Variants in SLC9C1 observed in about 807,000 individuals in gnomAD.
SLC9C1 encodes solute carrier family 9 member C1.
In SLC9C1, 97 loss-of-function variants were observed where a neutral mutation model predicts 140.9. The ratio of observed to expected loss-of-function variants is 0.69; its 90% CI spans 0.58 to 0.82. The LOEUF is 0.82. Among genes scored for constraint, SLC9C1 ranks in the 40% least tolerant of loss-of-function variants. The pLI is 0.00. For missense variants in SLC9C1, 1,340 were observed against 1,389.3 expected (o/e 0.96, Z 0.56); for synonymous variants, 440 against 442.6 (o/e 0.99, Z 0.07).
At chr3:112,150,841 T>TATA (rs1491261631) in intron 28 of SLC9C1, among the ~76,000 whole-genome samples, 99 of 34,560 alleles carry the variant, frequency 2.9e-3, no homozygotes, top group African/African-American at 0.016. Context: ...TATATATATA[T>TATA]TTTTTTTTTT....
chr3:112,227,453 C>T (rs4507228), intron 13 of SLC9C1, among the ~76,000 whole-genome samples: 114,886 of 152,082 alleles, frequency 0.76, 43,796 homozygotes, highest in East Asian at 0.99. Flanking sequence ...AATCAACACA[C>T]GTAAGACATC....
chr3:112,259,328 A>G (rs1286727124), intron 10 of SLC9C1, among the ~76,000 whole-genome samples: 1 of 151,692 alleles, frequency 6.6e-6, no homozygotes, highest in African/African-American at 2.4e-5. Flanking sequence ...AGAGGATTGG[A>G]AAAAAAATAA....
intron 20 of SLC9C1, among the ~76,000 whole-genome samples, chr3:112,184,340 G>GA (rs1232611605): frequency 3.3e-5 from 3 of 91,010 alleles, no homozygotes; most frequent in African/African-American, 1.3e-4. Flanking sequence ...GGACTATGAT[G>GA]AAAAAACGTT....
intron 20 of SLC9C1, among the ~76,000 whole-genome samples, chr3:112,186,637 A>G (rs1401765567): frequency 1.3e-5 from 2 of 152,222 alleles, no homozygotes; most frequent in Admixed American, 6.5e-5. Context: ...ACAAAATGTT[A>G]AAATTAGTCA....
intron 2 of SLC9C1, 111 bp from the exon 3 acceptor site, chr3:112,280,894 T>G (rs1043991988): frequency 9.4e-6 from 9 of 956,140 alleles, no homozygotes; most frequent in South Asian, 1.5e-5. Context: ...TCACTACTTT[T>G]CATGAGTTTA....
In SLC9C1 at chr3:112,264,242, A is replaced by G. The variant is rs777286625; in HGVS notation, c.980T>C (p.Ile327Thr). The G allele has an allele frequency of 7.4e-7, 1 of 1,349,874 alleles. No individual in the cohort carries two copies. Among genetic ancestry groups the G allele is most frequent in the Non-Finnish European group, 9.8e-7 (1 of 1,015,802 alleles). The allele number at this position is 1,349,874 out of a possible 1,614,324, so 83.6% of individuals were successfully genotyped here. The change falls in exon 9 of 29, where the codon ATA (isoleucine) becomes ACA (threonine). Residue 327 changes from isoleucine to threonine, a missense_variant. Ile to Thr is a moderately conservative substitution (Grantham distance 89). Coordinates refer to ENST00000305815, the MANE Select transcript of SLC9C1 (RefSeq NM_183061.3). Reference sequence around the variant, plus strand: ...TAAGTAGATATTTAATGAATAGTATATATCAACAAATTCTATATACAAATA... The same window carrying G: ...TAAGTAGATATTTAATGAATAGTATGTATCAACAAATTCTATATACAAATA... ...HTYLYIEFVD[I>T]YYSLNIYLTL... is the part of the protein sequence containing the mutation.
chr3:112,239,789 C>A (rs1172150568), intron 12 of SLC9C1, 51 bp downstream of exon 12: 1 of 1,432,400 alleles, frequency 7.0e-7, no homozygotes, highest in Non-Finnish European at 9.5e-7. Flanking sequence ...ATTTATACTT[C>A]AGTATAATCA....
intron 18 of SLC9C1, among the ~76,000 whole-genome samples, 179 bp downstream of exon 18, chr3:112,202,071 C>G (rs2077919523): frequency 6.6e-6 from 1 of 151,910 alleles, no homozygotes; most frequent in Non-Finnish European, 1.5e-5. Context: ...TAATATGGCA[C>G]AGTTCATTTC....
intron 13 of SLC9C1, among the ~76,000 whole-genome samples, chr3:112,226,709 A>T (rs1260465736): frequency 8.9e-6 from 1 of 112,154 alleles, no homozygotes; most frequent in African/African-American, 3.5e-5. Flanking sequence ...GCGATAGAGT[A>T]AGACTCCATC....
chr3:112,231,330 A>G, intron 13 of SLC9C1, 31 bp downstream of exon 13: 1 of 1,609,274 alleles, frequency 6.2e-7, no homozygotes, highest in Non-Finnish European at 8.5e-7. Flanking sequence ...TTTTTGGCCA[A>G]ACATAATTTC....
intron 25 of SLC9C1, among the ~76,000 whole-genome samples, chr3:112,168,232 C>A (rs899330035): frequency 5.9e-5 from 9 of 151,572 alleles, no homozygotes; most frequent in African/African-American, 2.2e-4. Context: ...ACTCTGAGTC[C>A]TCTTTGAATT....
At chr3:112,176,186 TG>T (rs1469663983) in intron 23 of SLC9C1, among the ~76,000 whole-genome samples, 1 of 152,170 alleles carries the variant, frequency 6.6e-6, no homozygotes, top group Non-Finnish European at 1.5e-5. Context: ...CAAAGATCCA[TG>T]GGAGAAGCAT....
intron 21 of SLC9C1, 29 bp downstream of exon 21, chr3:112,182,104 A>G (rs943958357): frequency 5.8e-6 from 8 of 1,387,380 alleles, no homozygotes; most frequent in Non-Finnish European, 4.8e-6. Context: ...TACATTAAAA[A>G]TATTATTAAT....
At chr3:112,150,191 G>A (rs1338756840) in intron 28 of SLC9C1, among the ~76,000 whole-genome samples, 5 of 152,184 alleles carry the variant, frequency 3.3e-5, no homozygotes, top group African/African-American at 7.2e-5. Flanking sequence ...TAAAATGCCT[G>A]TATAGCCATG....
Position 112,186,038 on chromosome 3 carries a change from T to C in SLC9C1, c.2524-3780A>G, listed in dbSNP as rs2107975304. The C allele has an allele frequency of 2.3e-6, 3 of 1,319,336 alleles. No homozygotes were observed. In the East Asian group the frequency reaches 7.5e-5, roughly 33 times the overall value. 81.7% of individuals were successfully genotyped at this position (1,319,336 alleles called of 1,614,324 possible). A position where few individuals can be genotyped will look rare whatever the true frequency, so the allele number is the denominator to read the frequency against. On this transcript the variant is annotated intron_variant, in intron 20 of 28. Transcript: ENST00000305815. ...TTCTTATGTGTATTAGCCATTTAAA[T>C]ATCTTCCGCTGCACAGTGCACTTTC...
intron 7 of SLC9C1, among the ~76,000 whole-genome samples, 165 bp from the exon 8 acceptor site, chr3:112,266,505 C>A (rs908688417): frequency 4.6e-5 from 7 of 152,124 alleles, no homozygotes; most frequent in South Asian, 2.1e-4. Flanking sequence ...TTACCACCAC[C>A]CCATGTCCTT....
At chr3:112,151,828 A>T (rs768627682) in intron 28 of SLC9C1, 29 bp downstream of exon 28, 1 of 1,578,310 alleles carries the variant, frequency 6.3e-7, no homozygotes, top group East Asian at 2.2e-5. Flanking sequence ...TGTGCTCCTG[A>T]TCCTGTTGAG....
chr3:112,263,755 A>G (rs188046096), intron 9 of SLC9C1, among the ~76,000 whole-genome samples: 62 of 151,930 alleles, frequency 4.1e-4, no homozygotes, highest in Non-Finnish European at 1.3e-4. Flanking sequence ...GACTTTTTCT[A>G]CCTCTTAACA....
At chr3:112,278,146 A>G (rs1330968370) in intron 4 of SLC9C1, among the ~76,000 whole-genome samples, 3 of 152,098 alleles carry the variant, frequency 2.0e-5, no homozygotes, top group Non-Finnish European at 4.4e-5. Context: ...CTAACAAATT[A>G]TTTGCTTCTA....
Sources: gnomAD v4.1 joint callset for allele counts (sites outside exome capture counted in the v4.1 genomes callset) on GRCh38, gnomAD v4.1.1 for gene constraint, MANE v1.5 for transcripts, NCBI Gene and HGNC (gene_info 2026-07-23, HGNC 2026-07-21) for gene names.